NRXN1: variants seen among roughly 807,000 people sequenced by gnomAD.
NRXN1 encodes neurexin-1.
In NRXN1, 39 loss-of-function variants were observed where a neutral mutation model predicts 150.9. The observed-to-expected ratio is 0.26, with a 90% confidence interval of 0.20 to 0.34. The LOEUF (loss-of-function observed/expected upper bound fraction) is 0.34, where lower values mean the gene tolerates loss of function less well. Ranked by LOEUF, NRXN1 falls within the 10% of genes least tolerant of loss-of-function variation. The pLI, the probability that NRXN1 is intolerant of heterozygous loss-of-function variation, is 1.00. For synonymous variants in NRXN1, 924 were observed against 757.0 expected, an observed-to-expected ratio of 1.22 and a Z score of -3.62; for missense variants, 1,815 against 1,949.9, an observed-to-expected ratio of 0.93 and a Z score of 1.30.
chr2:50,364,621 A>C (rs2079457892), intron 17 of NRXN1, among the ~76,000 whole-genome samples: 2 of 152,126 alleles, frequency 1.3e-5, no homozygotes, highest in Admixed American at 1.3e-4. Flanking sequence ...CTTATCAGTC[A>C]TGCACTTTTA....
chr2:50,960,429 G>T (rs911747239), intron 2 of NRXN1, among the ~76,000 whole-genome samples: 3 of 149,550 alleles, frequency 2.0e-5, no homozygotes, highest in Admixed American at 6.8e-5. Context: ...CATTTTAAAT[G>T]ATTTGAAACC....
chr2:50,996,975 C>T (rs72828338), intron 2 of NRXN1, among the ~76,000 whole-genome samples: 4,425 of 151,918 alleles, frequency 0.029, 142 homozygotes, highest in Non-Finnish European at 0.037. Flanking sequence ...ATAGGTTTCA[C>T]GTAAGGAGAA....
chr2:50,994,897 G>GT (rs1293059774), intron 2 of NRXN1, among the ~76,000 whole-genome samples: 5 of 151,740 alleles, frequency 3.3e-5, no homozygotes, highest in South Asian at 4.2e-4. Context: ...CAATTACACT[G>GT]TTTTTTTAAA....
intron 17 of NRXN1, among the ~76,000 whole-genome samples, chr2:50,398,493 A>C (rs896154061): frequency 6.6e-6 from 1 of 152,136 alleles, no homozygotes; most frequent in African/African-American, 2.4e-5. Context: ...GAAAAAAAAC[A>C]GTATTGTGGA....
intron 8 of NRXN1, 121 bp from the exon 9 acceptor site, chr2:50,553,146 T>C: frequency 2.7e-6 from 2 of 731,380 alleles, no homozygotes; most frequent in East Asian, 2.5e-5. Flanking sequence ...GTTAATTTTG[T>C]TGTATAAAGG....
intron 17 of NRXN1, among the ~76,000 whole-genome samples, chr2:50,284,682 G>A (rs79043905): frequency 0.014 from 2,099 of 152,150 alleles, 23 homozygotes; most frequent in Non-Finnish European, 0.019. Context: ...ACTTAATGTA[G>A]AAAAATCAGT....
chr2:50,354,612 T>C (rs1030991114), intron 17 of NRXN1, among the ~76,000 whole-genome samples: 3 of 141,148 alleles, frequency 2.1e-5, no homozygotes, highest in Non-Finnish European at 3.1e-5. Context: ...CTTTTTGCTG[T>C]TGTTTTCTGA....
chr2:50,279,589 A>G (rs973347275), intron 17 of NRXN1, among the ~76,000 whole-genome samples: 1 of 152,204 alleles, frequency 6.6e-6, no homozygotes, highest in African/African-American at 2.4e-5. Context: ...CAATGTTTAC[A>G]TAAATAACAT....
At chr2:50,221,354 A>G (rs1559119152) in intron 18 of NRXN1, among the ~76,000 whole-genome samples, 2 of 152,026 alleles carry the variant, frequency 1.3e-5, no homozygotes, top group Non-Finnish European at 2.9e-5. Flanking sequence ...AGCAAGTTGC[A>G]TCTGTTCAGC....
chr2:50,094,982 A>G (rs1700037838), intron 18 of NRXN1, among the ~76,000 whole-genome samples: 1 of 152,142 alleles, frequency 6.6e-6, no homozygotes, highest in African/African-American at 2.4e-5. Context: ...GATGGCTACA[A>G]TAATACTAGC....
chr2:50,782,271 C>A (rs1704451877), intron 5 of NRXN1, among the ~76,000 whole-genome samples: 1 of 151,980 alleles, frequency 6.6e-6, no homozygotes, highest in South Asian at 2.1e-4. Context: ...GAGTTTGAGA[C>A]CATCCTGGCC....
At chr2:50,542,142 ACGGTGGTG>A (rs2093405950) in intron 9 of NRXN1, among the ~76,000 whole-genome samples, 1 of 152,104 alleles carries the variant, frequency 6.6e-6, no homozygotes, top group African/African-American at 2.4e-5. Context: ...TTAGCCGGGC[ACGGTGGTG>A]CATGCCTGTA....
chr2:50,475,725 C>G (rs1041162296), intron 15 of NRXN1, among the ~76,000 whole-genome samples: 1 of 152,032 alleles, frequency 6.6e-6, no homozygotes, highest in Non-Finnish European at 1.5e-5. Context: ...TTTATAAACT[C>G]TTTGATATAG....
At chr2:49,971,929 T>G (rs1678028509) in intron 21 of NRXN1, among the ~76,000 whole-genome samples, 1 of 152,216 alleles carries the variant, frequency 6.6e-6, no homozygotes, top group Non-Finnish European at 1.5e-5. Context: ...GAACTTTTTT[T>G]GAGAATGGAA....
chr2:50,403,919 C>T (rs1471654978), intron 17 of NRXN1, among the ~76,000 whole-genome samples: 1 of 152,076 alleles, frequency 6.6e-6, no homozygotes, highest in Non-Finnish European at 1.5e-5. Flanking sequence ...TTAATGCCCT[C>T]TGAACATAAG....
At chr2:50,010,375 C>T (rs1685457846) in intron 21 of NRXN1, among the ~76,000 whole-genome samples, 1 of 152,088 alleles carries the variant, frequency 6.6e-6, no homozygotes, top group Non-Finnish European at 1.5e-5. Context: ...CAACAGGCTT[C>T]CTTGGAGCCT....
intron 5 of NRXN1, among the ~76,000 whole-genome samples, chr2:50,765,284 T>C (rs1010233141): frequency 2.0e-5 from 3 of 152,004 alleles, no homozygotes; most frequent in Non-Finnish European, 4.4e-5. Context: ...CTTAAGCTTC[T>C]GGAATGTAAC....
chr2:50,098,349 G>GC (rs1300394988), intron 18 of NRXN1, among the ~76,000 whole-genome samples: 4 of 152,068 alleles, frequency 2.6e-5, no homozygotes, highest in South Asian at 2.1e-4. Flanking sequence ...TGAGGGAGTG[G>GC]TGGGGAAAAG....
intron 17 of NRXN1, among the ~76,000 whole-genome samples, chr2:50,413,971 G>A (rs1423434168): frequency 7.0e-6 from 1 of 142,706 alleles, no homozygotes; most frequent in Non-Finnish European, 1.5e-5. Flanking sequence ...TGTGGGATCT[G>A]AAAATCAAAA....
Sources: gnomAD v4.1 joint callset for allele counts (sites outside exome capture counted in the v4.1 genomes callset) on GRCh38, gnomAD v4.1.1 for gene constraint, MANE v1.5 for transcripts, NCBI Gene and HGNC (gene_info 2026-07-23, HGNC 2026-07-21) for gene names.